SPMIP5: variants seen among roughly 807,000 people sequenced by gnomAD.
The protein encoded by SPMIP5 is sperm-associated microtubule inner protein 5.
chr10:116,664,526 G>T, the SPMIP5 span: 1 of 915,614 alleles, frequency 1.1e-6, no homozygotes, highest in Non-Finnish European at 1.5e-6. Flanking sequence ...TCCCCTCCCT[G>T]CAAACCAGCA....
chr10:116,664,423 T>G, the SPMIP5 span: 1 of 802,822 alleles, frequency 1.2e-6, no homozygotes, highest in Non-Finnish European at 1.8e-6. Flanking sequence ...AAGATCACCC[T>G]CCTCATTTCG....
the SPMIP5 span, chr10:116,664,316 G>T: frequency 1.5e-6 from 2 of 1,303,864 alleles, no homozygotes; most frequent in Admixed American, 4.4e-5. Context: ...CTTTTATTAA[G>T]AATAGAATAA....
the SPMIP5 span, chr10:116,668,161 T>C: frequency 9.0e-6 from 11 of 1,219,430 alleles, no homozygotes; most frequent in South Asian, 7.4e-5. Context: ...ACTGGTCCAG[T>C]TGGCTGCACA....
the SPMIP5 span, chr10:116,664,977 G>C: frequency 6.3e-7 from 1 of 1,585,988 alleles, no homozygotes; most frequent in Non-Finnish European, 8.6e-7. Context: ...CACAGAGAAA[G>C]CAACTAAAAA....
the SPMIP5 span, chr10:116,665,434 A>T: frequency 1.7e-6 from 1 of 580,712 alleles, no homozygotes; most frequent in African/African-American, 1.9e-5. Flanking sequence ...AAAAGAAAGA[A>T]AGAAAAAGAA....
chr10:116,667,176 G>A, the SPMIP5 span, among the ~76,000 whole-genome samples: 25 of 152,168 alleles, frequency 1.6e-4, 1 homozygote, highest in Admixed American at 9.8e-4. Flanking sequence ...GGGAAATGCC[G>A]TGTGAGGATG....
the SPMIP5 span, chr10:116,665,527 G>T: frequency 1.5e-6 from 2 of 1,293,712 alleles, no homozygotes; most frequent in Non-Finnish European, 2.2e-6. Flanking sequence ...GATTCTGGGT[G>T]CTATGGGGCA....
the SPMIP5 span, among the ~76,000 whole-genome samples, chr10:116,662,214 A>T: frequency 6.6e-6 from 1 of 152,142 alleles, no homozygotes; most frequent in East Asian, 1.9e-4. Context: ...GAACAAATTT[A>T]TAAAACAGCC....
the SPMIP5 span, among the ~76,000 whole-genome samples, chr10:116,667,310 G>A: frequency 0.019 from 2,937 of 152,300 alleles, 100 homozygotes; most frequent in African/African-American, 0.067. Context: ...CGGGCACCTC[G>A]ATTTCAGACG....
chr10:116,665,903 G>T, the SPMIP5 span: 1 of 1,266,336 alleles, frequency 7.9e-7, no homozygotes, highest in Non-Finnish European at 1.1e-6. Context: ...AAACTCCCCA[G>T]CATTTCAGCC....
chr10:116,666,933 A>G, the SPMIP5 span, among the ~76,000 whole-genome samples: 1 of 152,170 alleles, frequency 6.6e-6, no homozygotes, highest in Non-Finnish European at 1.5e-5. Flanking sequence ...CCTCACAACA[A>G]TCTTATGGTA....
the SPMIP5 span, chr10:116,663,661 T>A: frequency 2.2e-5 from 10 of 457,842 alleles, no homozygotes; most frequent in African/African-American, 2.0e-4. Flanking sequence ...ATGGTCAACA[T>A]AACCTGGAGA....
chr10:116,664,636 C>T, the SPMIP5 span: 1 of 1,503,502 alleles, frequency 6.7e-7, no homozygotes, highest in Non-Finnish European at 8.8e-7. Context: ...GAGGCACCTT[C>T]TCTAAGACAA....
chr10:116,667,111 G>T, the SPMIP5 span, among the ~76,000 whole-genome samples: 1 of 152,172 alleles, frequency 6.6e-6, no homozygotes, highest in Non-Finnish European at 1.5e-5. Flanking sequence ...TAAATCTGAT[G>T]ACTGATGTCC....
the SPMIP5 span, among the ~76,000 whole-genome samples, chr10:116,669,457 C>T: frequency 6.6e-6 from 1 of 152,190 alleles, no homozygotes; most frequent in African/African-American, 2.4e-5. Context: ...ATACTGACCA[C>T]CTGCTTACTT....
chr10:116,663,181 CAAAAA>C, the SPMIP5 span, among the ~76,000 whole-genome samples: 1 of 96,928 alleles, frequency 1.0e-5, no homozygotes, highest in Non-Finnish European at 2.0e-5. Context: ...GATTCTGTCT[CAAAAA>C]AAAAAAAAAA....
At chr10:116,665,917 C>G in the SPMIP5 span, 2 of 1,125,234 alleles carry the variant, frequency 1.8e-6, no homozygotes, top group African/African-American at 3.1e-5. Flanking sequence ...TTCAGCCCAC[C>G]CTTTGGCATT....
the SPMIP5 span, chr10:116,663,933 C>G: frequency 1.3e-6 from 2 of 1,537,140 alleles, no homozygotes; most frequent in East Asian, 4.9e-5. Flanking sequence ...TTGCGGAGGA[C>G]AGTGGCTCTA....
chr10:116,664,305 C>A, the SPMIP5 span: 2 of 1,429,490 alleles, frequency 1.4e-6, no homozygotes, highest in Non-Finnish European at 1.9e-6. Flanking sequence ...AAGTTATGGA[C>A]CTTTTATTAA....
Sources: gnomAD v4.1 joint callset for allele counts (sites outside exome capture counted in the v4.1 genomes callset) on GRCh38, gnomAD v4.1.1 for gene constraint, MANE v1.5 for transcripts, NCBI Gene and HGNC (gene_info 2026-07-23, HGNC 2026-07-21) for gene names.